The following ARHGAP8 variants were observed in gnomAD, a reference collection of about 807,000 sequenced individuals.
ARHGAP8 encodes the protein Rho GTPase activating protein 8.
In ARHGAP8, 62 loss-of-function variants were observed where a neutral mutation model predicts 46.1. That is an observed-to-expected ratio of 1.34 (90% confidence interval 1.10 to 1.66). The LOEUF is 1.66. Among genes scored for constraint, ARHGAP8 ranks in the 40% most tolerant of loss-of-function variants. The pLI, the probability that ARHGAP8 is intolerant of heterozygous loss-of-function variation, is 0.00. For synonymous variants in ARHGAP8, 375 were observed against 243.1 expected (o/e 1.54, Z -5.05); for missense variants, 923 against 568.4 (o/e 1.62, Z -6.34).
chr22:44,818,186 C>T (rs561610061), intron 5 of ARHGAP8, among the ~76,000 whole-genome samples: 1 of 152,000 alleles, frequency 6.6e-6, no homozygotes, highest in Non-Finnish European at 1.5e-5. Context: ...CAGTGGCTCA[C>T]GCCTGTAATC....
chr22:44,830,835 G>A (rs745662286), intron 7 of ARHGAP8, among the ~76,000 whole-genome samples: 4 of 152,130 alleles, frequency 2.6e-5, no homozygotes, highest in Admixed American at 1.3e-4. Context: ...CACCGCGCCT[G>A]GCCTGTTTTT....
rs942620457 is a variant in ARHGAP8 at position 44,835,402 on chromosome 22, G to A, written c.596+9809G>A. Among the ~76,000 whole-genome samples the A allele has an allele frequency of 8.5e-5, 13 of 152,120 alleles. No individual in the cohort carries two copies. In the South Asian group the frequency reaches 1.0e-3, roughly 12 times the overall value. On this transcript the variant is annotated intron_variant, in intron 7 of 11. Coordinates refer to ENST00000356099, the MANE Select transcript of ARHGAP8 (RefSeq NM_181335.3). ...TGGGAGGCCGAGGTGGGCGGATCAC[G>A]AGATCGAGACACTGAGACCATCCTG...
intron 3 of ARHGAP8, among the ~76,000 whole-genome samples, chr22:44,803,424 C>T (rs1464183266): frequency 6.6e-6 from 1 of 152,116 alleles, no homozygotes; most frequent in Non-Finnish European, 1.5e-5. Flanking sequence ...AAGGGACGGG[C>T]CCAGGGGCCC....
rs181719747 is a variant in ARHGAP8 at position 44,802,122 on chromosome 22, G to A, written c.125G>A (p.Arg42Gln). 104 of 1,614,128 alleles carry A rather than the reference G, an allele frequency of 6.4e-5. 1 individual carries two copies. In the Admixed American group the frequency reaches 7.0e-4, roughly 11 times the overall value. ...GRRVVTFSCC[R>Q]MPPSHELDHQ... Reference sequence around the variant, plus strand: ...CGTGTTGTCACGTTCAGCTGCTGCCGGATGCCACCCTCCCACGAGCTGGAC... The same window carrying A: ...CGTGTTGTCACGTTCAGCTGCTGCCAGATGCCACCCTCCCACGAGCTGGAC... Residue 42 changes from arginine (R) to glutamine (Q), a missense_variant, in exon 3 of 12, where the codon CGG (arginine) becomes CAG (glutamine). By Grantham distance (43) the Arg-to-Gln change is conservative. Transcript: ENST00000356099.
chr22:44,859,580 G>A (rs4336044), intron 10 of ARHGAP8, 151 bp from the exon 11 acceptor site: 205,564 of 738,832 alleles, frequency 0.28, 30,959 homozygotes, highest in Non-Finnish European at 0.31. Flanking sequence ...AGAGCCATAC[G>A]GCCAGAAGAT....
At chr22:44,758,556 A>AT (rs1410663995) in intron 1 of ARHGAP8, among the ~76,000 whole-genome samples, 1 of 151,960 alleles carries the variant, frequency 6.6e-6, no homozygotes, top group Non-Finnish European at 1.5e-5. Context: ...TTAGCCAATG[A>AT]TGATAATAGA....
chr22:44,860,017 G>A (rs541909111), intron 11 of ARHGAP8, among the ~76,000 whole-genome samples, 183 bp downstream of exon 11: 13 of 109,962 alleles, frequency 1.2e-4, no homozygotes, highest in East Asian at 9.2e-4. Flanking sequence ...ATGCTGCTGC[G>A]GACCTCCTGC....
chr22:44,855,170 G>A (rs117328631), intron 10 of ARHGAP8, among the ~76,000 whole-genome samples: 12 of 152,144 alleles, frequency 7.9e-5, no homozygotes, highest in South Asian at 2.1e-4. Context: ...ATAATTTCAC[G>A]TATACATAAC....
intron 2 of ARHGAP8, among the ~76,000 whole-genome samples, chr22:44,788,087 T>C (rs2147051668): frequency 7.4e-6 from 1 of 134,358 alleles, no homozygotes; most frequent in African/African-American, 2.7e-5. Context: ...GTTTAAAATT[T>C]TTATTATATG....
In ARHGAP8 at chr22:44,845,294, C is replaced by T. The variant is rs145150063; in HGVS notation, c.622C>T (p.Leu208Phe). 1.7e-4 allele frequency: 272 copies of T among 1,614,076 alleles called. No individual in the cohort carries two copies. Among genetic ancestry groups the T allele is most frequent in the Non-Finnish European group, 2.2e-4 (259 of 1,180,036 alleles). ...CCTCAAAGACAAAAATCAAGGCGAA[C>T]TCATCCCCCCTGTGCTGAGGTTCAC... is the stretch of plus-strand genomic sequence containing the variant. ...QYLKDKNQGE[L>F]IPPVLRFTVT... The change falls in exon 8 of 12, where the codon CTC becomes TTC. Residue 208 changes from leucine to phenylalanine, a missense_variant. Leu to Phe is a conservative substitution (Grantham distance 22). Coordinates refer to ENST00000356099, the MANE Select transcript of ARHGAP8 (RefSeq NM_181335.3).
At chr22:44,786,227 A>ATAATGGGTGCTCGGCTGAGGGAGGGCGCG in intron 1 of ARHGAP8, 1 of 612,516 alleles carries the variant, frequency 1.6e-6, no homozygotes, top group Non-Finnish European at 2.8e-6. Context: ...TGTAGAGTGT[A>ATAATGGGTGCTCGGCTGAGGGAGGGCGCG]TAATGGGTGC....
chr22:44,799,381 C>T (rs1425489229), intron 2 of ARHGAP8, among the ~76,000 whole-genome samples: 1 of 152,222 alleles, frequency 6.6e-6, no homozygotes, highest in East Asian at 1.9e-4. Context: ...GGCCAGAGGG[C>T]ATTGCGGATG....
chr22:44,831,595 G>A (rs1930951897), intron 7 of ARHGAP8, among the ~76,000 whole-genome samples: 1 of 152,072 alleles, frequency 6.6e-6, no homozygotes, highest in South Asian at 2.1e-4. Flanking sequence ...GCTACTCCGG[G>A]GACTGAGACA....
intron 3 of ARHGAP8, 130 bp from the exon 4 acceptor site, chr22:44,808,177 G>T: frequency 7.2e-7 from 1 of 1,398,550 alleles, no homozygotes; most frequent in East Asian, 2.3e-5. Context: ...GGCCCACGGT[G>T]CATGGAGTCT....
At chr22:44,808,066 G>T (rs907784794) in intron 3 of ARHGAP8, among the ~76,000 whole-genome samples, 1 of 152,160 alleles carries the variant, frequency 6.6e-6, no homozygotes, top group African/African-American at 2.4e-5. Flanking sequence ...CTTTCCACGG[G>T]CAACAATCTG....
chr22:44,783,717 C>T (rs923131070), intron 1 of ARHGAP8, among the ~76,000 whole-genome samples: 8 of 152,208 alleles, frequency 5.3e-5, no homozygotes, highest in South Asian at 2.1e-4. Context: ...CCTTAGCTTC[C>T]CGACCTGTCC....
intron 2 of ARHGAP8, among the ~76,000 whole-genome samples, chr22:44,788,937 T>C (rs1927472174): frequency 6.6e-6 from 1 of 152,206 alleles, no homozygotes; most frequent in Non-Finnish European, 1.5e-5. Context: ...TTATGCGTTG[T>C]TGGGCAGAAT....
At chr22:44,855,657 C>A (rs971101123) in intron 10 of ARHGAP8, among the ~76,000 whole-genome samples, 3 of 151,994 alleles carry the variant, frequency 2.0e-5, no homozygotes, top group South Asian at 2.1e-4. Context: ...CAAAGGTGTA[C>A]CTAATCCAAT....
intron 6 of ARHGAP8, 104 bp downstream of exon 6, chr22:44,822,573 G>A: frequency 9.2e-7 from 1 of 1,082,448 alleles, no homozygotes; most frequent in Non-Finnish European, 1.3e-6. Flanking sequence ...CCAAATGTGT[G>A]CTTGGCTAGA....
Sources: allele counts gnomAD v4.1 joint callset (sites outside exome capture counted in the v4.1 genomes callset), GRCh38; gene constraint gnomAD v4.1.1; transcripts MANE v1.5; gene names NCBI Gene and HGNC (gene_info 2026-07-23, HGNC 2026-07-21).